Variants in MAP7 observed in about 807,000 individuals in gnomAD.
MAP7 encodes microtubule associated protein 7, also known as ensconsin.
In MAP7, 52 loss-of-function variants were observed where a neutral mutation model predicts 94.8. The ratio of observed to expected loss-of-function variants is 0.55; its 90% confidence interval spans 0.44 to 0.69. MAP7 has a LOEUF of 0.69. Ranked by LOEUF, MAP7 falls within the 30% of genes least tolerant of loss-of-function variation. The pLI, the probability that MAP7 is intolerant of heterozygous loss-of-function variation, is 0.00. For missense variants in MAP7, 940 were observed against 964.6 expected, an observed-to-expected ratio of 0.97 and a Z score of 0.34; for synonymous variants, 350 against 357.0, an observed-to-expected ratio of 0.98 and a Z score of 0.22.
chr6:136,362,558 G>A lies in MAP7; in HGVS notation c.1418C>T (p.Thr473Ile). ...CCTTGTGGCCTCCTCTGGGTCGGTG[G>A]TGCCTGCAGAAGTCTTAACAGAAGC... ...ASASVKTSAG[T>I]TDPEEATRLL... Residue 473 changes from threonine (T) to isoleucine (I), a missense_variant, in exon 11 of 18, where the codon ACC becomes ATC. Thr to Ile is a moderately conservative substitution (Grantham distance 89). Transcript: ENST00000354570. 6.2e-7 allele frequency: 1 copy of A among 1,614,116 alleles called. No individual in the cohort carries two copies. Among genetic ancestry groups the A allele is most frequent in the South Asian group, 1.1e-5 (1 of 91,074 alleles).
intron 1 of MAP7, among the ~76,000 whole-genome samples, chr6:136,465,163 C>T (rs1177857358): frequency 6.6e-6 from 1 of 152,220 alleles, no homozygotes; most frequent in African/African-American, 2.4e-5. Flanking sequence ...TTTATGGAAA[C>T]ATGCAGCTTC....
At chr6:136,356,153 C>A (rs1393684595) in intron 16 of MAP7, among the ~76,000 whole-genome samples, 1 of 152,230 alleles carries the variant, frequency 6.6e-6, no homozygotes, top group Admixed American at 6.5e-5. Flanking sequence ...AGAAAACTAA[C>A]AGATTATCAC....
chr6:136,434,161 G>T lies in MAP7; in HGVS notation c.68-12362C>A, dbSNP rs576803635. ...TCTCTACTAAAAAATACAAAGATTAGCCGGGCGTGGTGGTGGGCGCCTGTA... is the reference window on the plus strand; with the variant it reads ...TCTCTACTAAAAAATACAAAGATTATCCGGGCGTGGTGGTGGGCGCCTGTA... On this transcript the variant is annotated intron_variant, in intron 1 of 17. Transcript: ENST00000354570. 3.3e-5 allele frequency among the ~76,000 whole-genome samples: 5 copies of T among 152,138 alleles called. No homozygotes were observed. In the East Asian group the frequency reaches 9.7e-4, roughly 29 times the overall value.
At chr6:136,426,282 T>A (rs1793113747) in intron 1 of MAP7, among the ~76,000 whole-genome samples, 1 of 152,218 alleles carries the variant, frequency 6.6e-6, no homozygotes, top group African/African-American at 2.4e-5. Context: ...TCAGAAATGT[T>A]AAGTAATTTT....
intron 6 of MAP7, among the ~76,000 whole-genome samples, 178 bp downstream of exon 6, chr6:136,383,493 C>T (rs1319650295): frequency 6.6e-6 from 1 of 152,202 alleles, no homozygotes; most frequent in Non-Finnish European, 1.5e-5. Flanking sequence ...GAGAAATGTT[C>T]TTGTCGCAAG....
At chr6:136,344,501 T>C (rs2128507063) in intron 17 of MAP7, among the ~76,000 whole-genome samples, 1 of 152,342 alleles carries the variant, frequency 6.6e-6, no homozygotes, top group East Asian at 1.9e-4. Flanking sequence ...ATTGTACTTT[T>C]CTCGGTTAGG....
In MAP7 at chr6:136,362,624, G is replaced by T. The variant is rs1349857565; in HGVS notation, c.1352C>A (p.Pro451Gln). The T allele has an allele frequency of 6.2e-7, 1 of 1,613,220 alleles. No homozygotes were observed. The highest frequency in any genetic ancestry group is 1.3e-5 in the African/African-American group (1 of 75,032). ...GGATGACGGGGCTGAGACCATGGCT[G>T]GGGTGGGGACCGGGGCTGGAGCTGG... ...SAPAPAPVPT[P>Q]AMVSAPSSTV... The change falls in exon 11 of 18, where the codon CCA becomes CAA. Residue 451 changes from proline to glutamine, a missense_variant. Physicochemically the swap from Pro to Gln is moderately conservative, Grantham distance 76. Transcript: ENST00000354570.
intron 3 of MAP7, among the ~76,000 whole-genome samples, chr6:136,406,162 T>C (rs1470526036): frequency 1.3e-5 from 2 of 152,188 alleles, no homozygotes; most frequent in African/African-American, 4.8e-5. Context: ...GAGAAATCGG[T>C]AACCAGGATC....
intron 1 of MAP7, among the ~76,000 whole-genome samples, chr6:136,451,230 G>A (rs1263590234): frequency 6.6e-6 from 1 of 152,158 alleles, no homozygotes; most frequent in East Asian, 1.9e-4. Context: ...CGCCTCCTCT[G>A]TTTCTGTAGA....
rs1445308948 is a variant in MAP7 at position 136,376,106 on chromosome 6, T to G, written c.751+1649A>C. Among the ~76,000 whole-genome samples the G allele has an allele frequency of 1.3e-5, 2 of 150,932 alleles. 1 individual carries two copies. The highest frequency in any genetic ancestry group is 3.0e-5 in the Non-Finnish European group (2 of 67,562). ...CTAGAAAATAGGACTGAAAAGCGGT[T>G]TTTTTTTTTTGAGACGGAGTCTCGC... is the stretch of plus-strand genomic sequence containing the variant. On this transcript the variant is annotated intron_variant, in intron 7 of 17. Coordinates refer to ENST00000354570, the MANE Select transcript of MAP7 (RefSeq NM_003980.6).
intron 15 of MAP7, among the ~76,000 whole-genome samples, chr6:136,357,410 C>T (rs952139045): frequency 5.3e-5 from 8 of 152,056 alleles, no homozygotes; most frequent in Admixed American, 1.3e-4. Context: ...TTATATAGGC[C>T]AGAGTTTCAG....
At chr6:136,546,004 C>A (rs1188070115) in intron 1 of MAP7, among the ~76,000 whole-genome samples, 1 of 152,074 alleles carries the variant, frequency 6.6e-6, no homozygotes, top group African/African-American at 2.4e-5. Context: ...TGTTACTATT[C>A]TTATTCTTTC....
chr6:136,466,760 C>T (rs1807241431), intron 1 of MAP7: 2 of 1,534,184 alleles, frequency 1.3e-6, no homozygotes, highest in African/African-American at 1.4e-5. Flanking sequence ...CAAGAACTTA[C>T]AGTACAGTTT....
intron 15 of MAP7, among the ~76,000 whole-genome samples, chr6:136,357,970 C>T (rs1791476191): frequency 1.3e-5 from 2 of 152,282 alleles, no homozygotes; most frequent in African/African-American, 2.4e-5. Flanking sequence ...TCTGTAAACT[C>T]GCCTGCCTGC....
rs531943058 is a variant in MAP7 at position 136,389,067 on chromosome 6, A to G, written c.408+287T>C. On this transcript the variant is annotated intron_variant, in intron 4 of 17. Coordinates refer to ENST00000354570, the MANE Select transcript of MAP7 (RefSeq NM_003980.6). ...AAATGGTAAAGACTACAGAAACTCAATTACTTGGAGTGGTCTTAATACTCA... is the reference window on the plus strand; with the variant it reads ...AAATGGTAAAGACTACAGAAACTCAGTTACTTGGAGTGGTCTTAATACTCA... 1.2e-4 allele frequency among the ~76,000 whole-genome samples: 19 copies of G among 152,316 alleles called. No individual in the cohort carries two copies. The South Asian group carries it at 3.7e-3, about 30-fold the overall frequency.
chr6:136,529,409 C>T (rs534369320), intron 1 of MAP7, among the ~76,000 whole-genome samples: 1 of 152,242 alleles, frequency 6.6e-6, no homozygotes, highest in African/African-American at 2.4e-5. Context: ...TTATAAGCCA[C>T]CGCGCCCAGC....
intron 1 of MAP7, among the ~76,000 whole-genome samples, chr6:136,466,219 ATCTT>A (rs1434078228): frequency 6.6e-6 from 1 of 152,172 alleles, no homozygotes; most frequent in African/African-American, 2.4e-5. Flanking sequence ...GATAAATGTG[ATCTT>A]TCTTTTTAAT....
chr6:136,539,280 T>G (rs1189835618), intron 1 of MAP7, among the ~76,000 whole-genome samples: 1 of 152,158 alleles, frequency 6.6e-6, no homozygotes, highest in East Asian at 1.9e-4. Flanking sequence ...AGGAAGAGAA[T>G]GCTTACATGA....
intron 11 of MAP7, among the ~76,000 whole-genome samples, chr6:136,361,517 C>A (rs1214863589): frequency 6.6e-6 from 1 of 152,154 alleles, no homozygotes. Flanking sequence ...ATTTGAAGCA[C>A]CCCAGCCAAA....
Sources: allele counts gnomAD v4.1 joint callset (sites outside exome capture counted in the v4.1 genomes callset), GRCh38; gene constraint gnomAD v4.1.1; transcripts MANE v1.5; gene names NCBI Gene and HGNC (gene_info 2026-07-23, HGNC 2026-07-21).